Variants in BCAR3 observed in about 807,000 individuals in gnomAD.
BCAR3 encodes BCAR3 adaptor protein, NSP family member.
BCAR3 carries 37 observed loss-of-function variants against 80.1 expected under a neutral mutation model. The ratio of observed to expected loss-of-function variants is 0.46; its 90% CI spans 0.36 to 0.61. The LOEUF (loss-of-function observed/expected upper bound fraction) is 0.61, where lower values mean the gene tolerates loss of function less well. Among genes scored for constraint, BCAR3 ranks in the 20% least tolerant of loss-of-function variants. The probability of loss-of-function intolerance (pLI) is 0.00; values close to 1 mark genes in which losing one functional copy is unlikely to be tolerated. For synonymous variants in BCAR3, 389 were observed against 418.9 expected (o/e 0.93, Z 0.87); for missense variants, 978 against 1,068.2 (o/e 0.92, Z 1.18).
At chr1:93,571,975 T>A in intron 8 of BCAR3, 134 bp from the exon 9 acceptor site, 1 of 1,081,564 alleles carries the variant, frequency 9.2e-7, no homozygotes, top group Non-Finnish European at 1.3e-6. Context: ...CAGCACAGTT[T>A]AGACGGCCAA....
chr1:93,762,772 C>T lies in BCAR3; in HGVS notation c.-62-56630G>A, dbSNP rs1651997054. Among the ~76,000 whole-genome samples, 4 of 152,170 alleles carry T rather than the reference C, an allele frequency of 2.6e-5. No individual in the cohort carries two copies. The South Asian group carries it at 8.3e-4, about 32-fold the overall frequency. The stretch of plus-strand genomic sequence containing the variant: ...TCAAACCCCAGCCTGATCCCAACCT[C>T]TTTCCCAAAGCCTCTTCTAAGTTGC... On this transcript the variant is annotated intron_variant, in intron 2 of 13. Transcript: ENST00000370244.
chr1:93,691,282 G>A (rs531048673), intron 3 of BCAR3, among the ~76,000 whole-genome samples: 1 of 152,316 alleles, frequency 6.6e-6, no homozygotes, highest in South Asian at 2.1e-4. Flanking sequence ...TAGTGGTAAT[G>A]GTCCCACTGG....
chr1:93,822,221 A>T (rs1259800826), intron 2 of BCAR3, among the ~76,000 whole-genome samples: 8 of 150,054 alleles, frequency 5.3e-5, no homozygotes, highest in Non-Finnish European at 1.0e-4. Flanking sequence ...TCTATCACCC[A>T]GGATGGAGTG....
At chr1:93,815,797 G>A (rs72723151) in intron 2 of BCAR3, among the ~76,000 whole-genome samples, 2,582 of 152,290 alleles carry the variant, frequency 0.017, 34 homozygotes, top group Middle Eastern at 0.041. Context: ...AAATATAAAT[G>A]AGGAGTTCTA....
intron 3 of BCAR3, among the ~76,000 whole-genome samples, chr1:93,694,990 G>T (rs145235726): frequency 1.3e-5 from 2 of 152,198 alleles, no homozygotes; most frequent in Non-Finnish European, 2.9e-5. Flanking sequence ...CCCTGGGACT[G>T]CTCCTCCCCT....
chr1:93,769,636 TTCTC>T (rs1042457874), intron 2 of BCAR3, among the ~76,000 whole-genome samples: 32 of 152,114 alleles, frequency 2.1e-4, no homozygotes, highest in Non-Finnish European at 4.1e-4. Context: ...TTTCCTCTCT[TTCTC>T]TCTAAGTTTG....
At chr1:93,758,195 A>G (rs1222252502) in intron 2 of BCAR3, among the ~76,000 whole-genome samples, 2 of 152,228 alleles carry the variant, frequency 1.3e-5, no homozygotes, top group Non-Finnish European at 2.9e-5. Flanking sequence ...AGATGAGGGC[A>G]GCCTGCCTAG....
intron 2 of BCAR3, among the ~76,000 whole-genome samples, chr1:93,654,161 A>G (rs1049451646): frequency 6.6e-6 from 1 of 152,056 alleles, no homozygotes; most frequent in Non-Finnish European, 1.5e-5. Flanking sequence ...TCCCCTAGCT[A>G]CTCAGTCAAA....
intron 2 of BCAR3, among the ~76,000 whole-genome samples, chr1:93,735,653 T>C (rs963242433): frequency 1.3e-5 from 2 of 152,182 alleles, no homozygotes; most frequent in African/African-American, 4.8e-5. Flanking sequence ...ATACATATAG[T>C]TTTTCAAGTC....
chr1:93,585,983 C>T (rs1390671115), intron 5 of BCAR3, among the ~76,000 whole-genome samples: 1 of 152,160 alleles, frequency 6.6e-6, no homozygotes, highest in East Asian at 1.9e-4. Context: ...TTGATACAGG[C>T]ATGCAATGTG....
intron 9 of BCAR3, 170 bp downstream of exon 9, chr1:93,571,500 G>GAAA: frequency 2.8e-6 from 2 of 726,344 alleles, no homozygotes; most frequent in Non-Finnish European, 2.1e-6. Flanking sequence ...TCTCAAAAAA[G>GAAA]AAAAAAAAAA....
chr1:93,725,748 T>A (rs1650559753), intron 2 of BCAR3, among the ~76,000 whole-genome samples: 1 of 152,380 alleles, frequency 6.6e-6, no homozygotes, highest in South Asian at 2.1e-4. Context: ...CACATTGAAA[T>A]CATTAATCCA....
At chr1:93,743,384 G>T (rs1185953756) in intron 2 of BCAR3, among the ~76,000 whole-genome samples, 1 of 152,136 alleles carries the variant, frequency 6.6e-6, no homozygotes, top group African/African-American at 2.4e-5. Flanking sequence ...CAGATCAGTG[G>T]GCTAGTAATA....
intron 11 of BCAR3, among the ~76,000 whole-genome samples, chr1:93,564,184 A>T (rs190149598): frequency 1.3e-5 from 2 of 152,146 alleles, no homozygotes; most frequent in East Asian, 3.9e-4. Flanking sequence ...ACTGAGTTGT[A>T]AGAGTTCTTT....
At chr1:93,728,021 C>T (rs1459773820) in intron 2 of BCAR3, among the ~76,000 whole-genome samples, 1 of 152,188 alleles carries the variant, frequency 6.6e-6, no homozygotes. Flanking sequence ...GACTAAGGAA[C>T]GCCTGGAGCC....
chr1:93,594,408 A>T (rs1044302072), intron 3 of BCAR3: 1 of 152,178 alleles, frequency 6.6e-6, no homozygotes, highest in Non-Finnish European at 1.5e-5. Flanking sequence ...CTGACCAAGG[A>T]GCTGAGATGT....
At chr1:93,614,498 T>TA (rs1451008040) in intron 3 of BCAR3, among the ~76,000 whole-genome samples, 2 of 152,044 alleles carry the variant, frequency 1.3e-5, no homozygotes, top group Non-Finnish European at 2.9e-5. Context: ...CTAGGAGAAA[T>TA]ACTAGATGTA....
intron 2 of BCAR3, among the ~76,000 whole-genome samples, chr1:93,651,649 C>T (rs1467229255): frequency 1.3e-5 from 2 of 152,136 alleles, no homozygotes; most frequent in Non-Finnish European, 2.9e-5. Flanking sequence ...TGTCCTGGTA[C>T]AATGGCCAGC....
At chr1:93,656,717 C>A (rs1051371092) in intron 2 of BCAR3, among the ~76,000 whole-genome samples, 5 of 151,774 alleles carry the variant, frequency 3.3e-5, no homozygotes, top group African/African-American at 1.2e-4. Context: ...GATCTTCCTG[C>A]TGCAGCCTCC....
Sources: allele counts gnomAD v4.1 joint callset (sites outside exome capture counted in the v4.1 genomes callset), GRCh38; gene constraint gnomAD v4.1.1; transcripts MANE v1.5; gene names NCBI Gene and HGNC (gene_info 2026-07-23, HGNC 2026-07-21).